NPAS3: variants seen among roughly 807,000 people sequenced by gnomAD.
NPAS3 encodes neuronal PAS domain-containing protein 3.
NPAS3 carries 14 observed loss-of-function variants against 73.1 expected under a neutral mutation model. That is an observed-to-expected ratio of 0.19 (90% CI 0.13 to 0.30). The LOEUF (loss-of-function observed/expected upper bound fraction) is 0.30. Ranked by LOEUF, NPAS3 falls within the 10% of genes least tolerant of loss-of-function variation. The pLI is 1.00. For missense variants in NPAS3, 1,096 were observed against 1,250.0 expected (o/e 0.88, Z 1.86); for synonymous variants, 620 against 541.5 (o/e 1.14, Z -2.01).
chr14:33,150,338 C>T (rs1270184962), intron 2 of NPAS3, among the ~76,000 whole-genome samples: 1 of 152,194 alleles, frequency 6.6e-6, no homozygotes, highest in African/African-American at 2.4e-5. Flanking sequence ...GTTATTTTGG[C>T]TCTGTGATGT....
rs376834529 is a variant in NPAS3, at chr14:32,939,987, G to T, written c.50+621G>T. ...GCCGCCTCCCTGCCTCCCGGGCTGCGCCCTCCGCTCGGCAACTTGTGGGTC... is the reference window on the plus strand; with the variant it reads ...GCCGCCTCCCTGCCTCCCGGGCTGCTCCCTCCGCTCGGCAACTTGTGGGTC... On this transcript the variant is annotated intron_variant, in intron 1 of 11. Transcript: ENST00000356141. Among the ~76,000 whole-genome samples, 15 of 152,304 alleles carry T rather than the reference G, an allele frequency of 9.8e-5. No homozygotes were observed. The East Asian group carries it at 2.3e-3, about 24-fold the overall frequency.
At chr14:33,460,587 C>T (rs1192942693) in intron 4 of NPAS3, among the ~76,000 whole-genome samples, 1 of 152,198 alleles carries the variant, frequency 6.6e-6, no homozygotes, top group African/African-American at 2.4e-5. Context: ...TCTTTATAAG[C>T]TCATGATGAT....
chr14:33,217,331 A>T (rs1028415930), intron 3 of NPAS3, among the ~76,000 whole-genome samples: 1 of 152,114 alleles, frequency 6.6e-6, no homozygotes, highest in African/African-American at 2.4e-5. Flanking sequence ...TACAGATATT[A>T]GTACCAAATT....
chr14:33,293,116 A>G (rs2042164713), intron 3 of NPAS3, among the ~76,000 whole-genome samples: 1 of 152,126 alleles, frequency 6.6e-6, no homozygotes, highest in African/African-American at 2.4e-5. Flanking sequence ...CACCTGTACT[A>G]CACTATGTCC....
chr14:33,647,470 C>T (rs528249067), intron 5 of NPAS3, among the ~76,000 whole-genome samples: 5 of 151,952 alleles, frequency 3.3e-5, no homozygotes, highest in Non-Finnish European at 5.9e-5. Context: ...CAAACAAAAG[C>T]GGTTATGATC....
chr14:33,762,182 G>A (rs999085465), intron 7 of NPAS3, among the ~76,000 whole-genome samples: 5 of 152,138 alleles, frequency 3.3e-5, no homozygotes, highest in African/African-American at 1.2e-4. Flanking sequence ...GAGGACAACT[G>A]TATTGTATGC....
intron 2 of NPAS3, among the ~76,000 whole-genome samples, chr14:33,189,881 T>C (rs1405844379): frequency 5.3e-5 from 8 of 152,192 alleles, no homozygotes; most frequent in African/African-American, 1.4e-4. Flanking sequence ...TATCGATACA[T>C]ATAAGTGTGT....
chr14:33,736,681 A>G (rs1488169838), intron 7 of NPAS3, among the ~76,000 whole-genome samples: 1 of 152,104 alleles, frequency 6.6e-6, no homozygotes, highest in African/African-American at 2.4e-5. Flanking sequence ...CATTCTTTGC[A>G]TTTCAGATTT....
At chr14:33,278,647 G>A (rs773415388) in intron 3 of NPAS3, among the ~76,000 whole-genome samples, 23 of 152,088 alleles carry the variant, frequency 1.5e-4, no homozygotes, top group Admixed American at 1.5e-3. Flanking sequence ...TTACAATCTG[G>A]TGTGAATAAA....
chr14:33,580,115 T>TTGG, intron 5 of NPAS3, among the ~76,000 whole-genome samples: 1 of 152,316 alleles, frequency 6.6e-6, no homozygotes, highest in Admixed American at 6.5e-5. Context: ...CTGGCTATGG[T>TTGG]TGGTAACCAT....
chr14:33,092,167 G>A (rs1040393210), intron 2 of NPAS3, among the ~76,000 whole-genome samples: 4 of 152,162 alleles, frequency 2.6e-5, no homozygotes, highest in Non-Finnish European at 2.9e-5. Context: ...ATTAGGAAAA[G>A]AGGAAGTCAA....
chr14:33,714,214 C>T (rs1041213878), intron 6 of NPAS3, among the ~76,000 whole-genome samples: 4 of 152,034 alleles, frequency 2.6e-5, no homozygotes, highest in Non-Finnish European at 5.9e-5. Flanking sequence ...AATCCTCTGT[C>T]TTATTTGTCC....
chr14:33,061,192 A>G (rs1288312101), intron 2 of NPAS3, among the ~76,000 whole-genome samples: 1 of 152,184 alleles, frequency 6.6e-6, no homozygotes, highest in African/African-American at 2.4e-5. Flanking sequence ...CCTATGCTGA[A>G]GAAAAGGGAA....
At chr14:33,066,359 A>C (rs1165529824) in intron 2 of NPAS3, among the ~76,000 whole-genome samples, 1 of 152,232 alleles carries the variant, frequency 6.6e-6, no homozygotes, top group Non-Finnish European at 1.5e-5. Flanking sequence ...ATCTGATAGC[A>C]AGATTGTTTA....
chr14:33,136,607 C>G lies in NPAS3; in HGVS notation c.141-78575C>G, dbSNP rs527983016. Among the ~76,000 whole-genome samples, 91 of 152,160 alleles carry G rather than the reference C, an allele frequency of 6.0e-4. 1 individual carries two copies. The highest frequency in any genetic ancestry group is 1.1e-3 in the Non-Finnish European group (73 of 68,022). On this transcript the variant is annotated intron_variant, in intron 2 of 11. Transcript: ENST00000356141. Reference sequence around the variant, plus strand: ...GTGAAACTCACCCCAAGTTGTATAGCTAGTCAACAGCAGACCTGAGATTGG... The same window carrying G: ...GTGAAACTCACCCCAAGTTGTATAGGTAGTCAACAGCAGACCTGAGATTGG...
intron 4 of NPAS3, among the ~76,000 whole-genome samples, chr14:33,480,508 TC>T (rs1223480575): frequency 1.4e-5 from 2 of 145,818 alleles, no homozygotes; most frequent in Non-Finnish European, 3.0e-5. Flanking sequence ...TCTCTCTCTC[TC>T]CCTCTCCCCC....
At chr14:33,493,494 G>A (rs780699952) in intron 4 of NPAS3, among the ~76,000 whole-genome samples, 1 of 152,048 alleles carries the variant, frequency 6.6e-6, no homozygotes, top group Non-Finnish European at 1.5e-5. Flanking sequence ...CTTTCTCACC[G>A]ATCTTCCTGT....
At chr14:33,686,197 A>G (rs539934492) in intron 6 of NPAS3, among the ~76,000 whole-genome samples, 8 of 152,134 alleles carry the variant, frequency 5.3e-5, no homozygotes, top group Non-Finnish European at 7.4e-5. Context: ...CTCCCAGGAG[A>G]CTCATCCCAG....
chr14:33,183,243 T>C (rs1162686371), intron 2 of NPAS3, among the ~76,000 whole-genome samples: 2 of 151,922 alleles, frequency 1.3e-5, no homozygotes, highest in Non-Finnish European at 2.9e-5. Flanking sequence ...CTGGCCAACA[T>C]GGTGAAACCC....
Sources: allele counts gnomAD v4.1 joint callset (sites outside exome capture counted in the v4.1 genomes callset), GRCh38; gene constraint gnomAD v4.1.1; transcripts MANE v1.5; gene names NCBI Gene and HGNC (gene_info 2026-07-23, HGNC 2026-07-21).